Variants in FLT4 observed in about 807,000 individuals in gnomAD.
FLT4 encodes the protein vascular endothelial growth factor receptor 3.
A neutral mutation model predicts 163.2 loss-of-function variants in FLT4; 30 were observed. The ratio of observed to expected loss-of-function variants is 0.18; its 90% CI spans 0.14 to 0.25. The LOEUF is 0.25. Among genes scored for constraint, FLT4 ranks in the 10% least tolerant of loss-of-function variants. The pLI, the probability that FLT4 is intolerant of heterozygous loss-of-function variation, is 1.00. For synonymous variants in FLT4, 884 were observed against 789.5 expected (o/e 1.12, Z -2.01); for missense variants, 1,510 against 1,863.8 (o/e 0.81, Z 3.50).
rs1761573075 is a variant in FLT4, at chr5:180,602,618, CTGTT to C, written c.*570_*573del. ...GGTGGCCACCCCAGGGGCTAGTTGG[CTGTT>C]TGGTCAGGCCCAGAAGAGGACCCTG... On this transcript the variant is annotated 3_prime_UTR_variant, in exon 30 of 30. Coordinates refer to ENST00000261937, the MANE Select transcript of FLT4 (RefSeq NM_182925.5). 2 of 405,758 alleles carry C rather than the reference CTGTT, an allele frequency of 4.9e-6. No individual in the cohort carries two copies. Among genetic ancestry groups the C allele is most frequent in the Admixed American group, 4.1e-5 (1 of 24,460 alleles). The allele number at this position is 405,758 out of a possible 1,614,324, so 25.1% of individuals were successfully genotyped here.
At position 180,636,417 on chromosome 5, in the gene FLT4, G is replaced by A. The variant is rs1023302505; in HGVS notation, c.59-4639C>T. On this transcript the variant is annotated intron_variant, in intron 1 of 29. Transcript: ENST00000261937. The surrounding 1 kb of genome is among the most constrained non-coding windows in gnomAD (Gnocchi z 4.3). ...ATGCCTGAACTCCTCGCAGCCACCT[G>A]CCCTCCCTACAGCAGTCCCTCTGAG... 3.3e-5 allele frequency among the ~76,000 whole-genome samples: 5 copies of A among 151,974 alleles called. No individual in the cohort carries two copies. The highest frequency in any genetic ancestry group is 7.4e-5 in the Non-Finnish European group (5 of 67,980).
rs899772352 is a variant in FLT4 at position 180,613,130 on chromosome 5, G to A, written c.3332-20C>T. On this transcript the variant is annotated intron_variant, in intron 24 of 29. Transcript: ENST00000261937. ...AGGCCCCTGACAACAGGAAGGGGAG[G>A]TGGGTGGGGAGCAAGCCTCCTGCGG... is the stretch of plus-strand genomic sequence containing the variant. 43 of 1,585,542 alleles carry A rather than the reference G, an allele frequency of 2.7e-5. No individual in the cohort carries two copies. Among genetic ancestry groups the A allele is most frequent in the Non-Finnish European group, 3.2e-5 (37 of 1,155,908 alleles).
Position 180,621,768 on chromosome 5 carries a change from C to A in FLT4, c.1794G>T (p.Leu598=), listed in dbSNP as rs1763165946. The A allele has an allele frequency of 6.2e-7, 1 of 1,613,294 alleles. No individual in the cohort carries two copies. Among genetic ancestry groups the A allele is most frequent in the African/African-American group, 1.3e-5 (1 of 75,052 alleles). Residue 598 remains leucine (L), a synonymous_variant, in exon 13 of 30, where the codon CTG becomes CTT. Transcript: ENST00000261937. ...LRWYRLNLST[L]HDAHGNPLLL... ...GAAGCGGGTTCCCGTGCGCATCGTG[C>A]AGCGTGGACAGGTTGAGGCGGTACC... is the stretch of plus-strand genomic sequence containing the variant.
chr5:180,640,460 C>T lies in FLT4; in HGVS notation c.59-8682G>A, dbSNP rs376566444. Among the ~76,000 whole-genome samples the T allele has an allele frequency of 6.6e-5, 10 of 152,304 alleles. No homozygotes were observed. In the East Asian group the frequency reaches 1.5e-3, roughly 24 times the overall value. Reference sequence around the variant, plus strand: ...CTTCCTCCTAGCCCCTAGCATGAAGCCTCAGAGACCCCTGCAGGCAGGAAG... The same window carrying T: ...CTTCCTCCTAGCCCCTAGCATGAAGTCTCAGAGACCCCTGCAGGCAGGAAG... On this transcript the variant is annotated intron_variant, in intron 1 of 29. Coordinates refer to ENST00000261937, the MANE Select transcript of FLT4 (RefSeq NM_182925.5).
Position 180,631,773 on chromosome 5 carries a change from C to A in FLT4, c.64G>T (p.Val22Leu). 1 of 1,608,520 alleles carries A rather than the reference C, an allele frequency of 6.2e-7. No homozygotes were observed. The highest frequency in any genetic ancestry group is 8.5e-7 in the Non-Finnish European group (1 of 1,178,926). Residue 22 changes from valine (V) to leucine (L), a missense_variant, in exon 2 of 30, where the codon GTG becomes TTG. Physicochemically the swap from Val to Leu is conservative, Grantham distance 32 (BLOSUM62 1). Transcript: ENST00000261937. The stretch of plus-strand genomic sequence containing the variant: ...GGGGGGGTCATGGAGTAGCCACTCA[C>A]CAGGCCTGGGGTGGGAGACAGGGTC... ...WLCLGLLDGL[V>L]SGYSMTPPTL... is the part of the protein sequence containing the mutation.
At chr5:180,615,252 C>G (rs1271482118) in intron 23 of FLT4, among the ~76,000 whole-genome samples, 1 of 116,878 alleles carries the variant, frequency 8.6e-6, no homozygotes, top group Non-Finnish European at 2.0e-5. Context: ...CTGGTCAACT[C>G]CCATCTCCAC....
Position 180,629,794 on chromosome 5 carries a change from G to A in FLT4, c.718C>T (p.Leu240=), listed in dbSNP as rs1394178069. The A allele has an allele frequency of 6.2e-7, 1 of 1,612,460 alleles. No homozygotes were observed. Among genetic ancestry groups the A allele is most frequent in the Admixed American group, 1.7e-5 (1 of 59,948 alleles). The change falls in exon 6 of 30, where the codon CTG becomes TTG. Residue 240 remains leucine (L), a synonymous_variant. Coordinates refer to ENST00000261937, the MANE Select transcript of FLT4 (RefSeq NM_182925.5). Reference sequence around the variant, plus strand: ...AGCTTCTCCCCTACCAGCAGCTCCAGCGACTTCCTGGGCAACAGCTGGATG... The same window carrying A: ...AGCTTCTCCCCTACCAGCAGCTCCAACGACTTCCTGGGCAACAGCTGGATG... ...YDIQLLPRKS[L]ELLVGEKLVL...
chr5:180,604,763 TTC>T (rs928057316), intron 29 of FLT4, among the ~76,000 whole-genome samples: 3 of 152,268 alleles, frequency 2.0e-5, no homozygotes, highest in Non-Finnish European at 4.4e-5. Context: ...AAAATATTAG[TTC>T]TTTTACTGTT....
At chr5:180,621,944 A>G in intron 12 of FLT4, 40 bp from the exon 13 acceptor site, 1 of 1,610,314 alleles carries the variant, frequency 6.2e-7, no homozygotes, top group Non-Finnish European at 8.5e-7. Context: ...CTGCCCTGGG[A>G]GTTTGCTCCC....
In FLT4 at chr5:180,620,504, G is replaced by A; in HGVS notation, c.2406+105C>T. ...GGCAGGGAGGCTTCCCAGGAAACAA[G>A]GCTGCCAGGTGAACTAGGGCGGGCA... On this transcript the variant is annotated intron_variant, in intron 16 of 29. Coordinates refer to ENST00000261937, the MANE Select transcript of FLT4 (RefSeq NM_182925.5). This position sits in a 1 kb window ranked among gnomAD's most constrained non-coding sequence, Gnocchi z 4.4. 1 of 1,193,032 alleles carries A rather than the reference G, an allele frequency of 8.4e-7. No individual in the cohort carries two copies. Among genetic ancestry groups the A allele is most frequent in the Non-Finnish European group, 1.2e-6 (1 of 811,178 alleles). 73.9% of individuals were successfully genotyped at this position (1,193,032 alleles called of 1,614,324 possible). A position where few individuals can be genotyped will look rare whatever the true frequency, so the allele number is the denominator to read the frequency against.
chr5:180,607,768 T>C (rs549874364), intron 29 of FLT4, among the ~76,000 whole-genome samples: 71 of 152,290 alleles, frequency 4.7e-4, no homozygotes, highest in Non-Finnish European at 5.7e-4. Flanking sequence ...ACATGATTAA[T>C]TAGCTTTTAA....
At chr5:180,612,226 G>T (rs1037275996) in intron 26 of FLT4, among the ~76,000 whole-genome samples, 2 of 152,202 alleles carry the variant, frequency 1.3e-5, no homozygotes, top group Non-Finnish European at 2.9e-5. Context: ...TGCCTCACAG[G>T]CCGGGGGGGA....
In FLT4 at chr5:180,620,979, C is replaced by T. The variant is rs147242761; in HGVS notation, c.2196G>A (p.Lys732=). ...CCTCGCGCACGCGCTGGATGCTCAG[C>T]TTCTGGTTGGAGTCCGCCAAGTCGA... The part of the protein sequence containing the change: ...SGVDLADSNQ[K]LSIQRVREED... Residue 732 remains lysine, a synonymous_variant, in exon 15 of 30, where the codon AAG becomes AAA. Transcript: ENST00000261937. The surrounding 1 kb of genome is among the most constrained non-coding windows in gnomAD (Gnocchi z 4.4). 826 of 1,611,344 alleles carry T rather than the reference C, an allele frequency of 5.1e-4. 18 individuals carry two copies. In the East Asian group the frequency reaches 0.018, roughly 36 times the overall value.
At chr5:180,632,671 G>A (rs1764278049) in intron 1 of FLT4, among the ~76,000 whole-genome samples, 1 of 152,030 alleles carries the variant, frequency 6.6e-6, no homozygotes, top group East Asian at 1.9e-4. Flanking sequence ...TGTAACTGTA[G>A]GCCTGGGTGT....
chr5:180,628,839 TGG>T, intron 8 of FLT4, 41 bp downstream of exon 8: 2 of 1,385,856 alleles, frequency 1.4e-6, no homozygotes, highest in Non-Finnish European at 2.0e-6. Context: ...CCCCTGGACT[TGG>T]AAGGGTATCG....
intron 1 of FLT4, among the ~76,000 whole-genome samples, chr5:180,642,830 T>G (rs1267695581): frequency 6.6e-6 from 1 of 152,208 alleles, no homozygotes; most frequent in East Asian, 1.9e-4. Flanking sequence ...CATACACCGA[T>G]GGCAAATTCT....
At position 180,611,471 on chromosome 5, in the gene FLT4, C is replaced by G. The variant is rs775810969; in HGVS notation, c.3546G>C (p.Glu1182Asp). Residue 1182 changes from glutamate (E) to aspartate (D), a missense_variant, in exon 27 of 30, where the codon GAG (glutamate) becomes GAC (aspartate). Transcript: ENST00000261937. ...LLQGRGLQEE[E>D]EVCMAPRSSQ... ...AGCTGCGCGGGGCCATGCAGACCTC[C>G]TCTTCCTCCTGGCGGGAACAGGAGA... 16 of 1,613,674 alleles carry G rather than the reference C, an allele frequency of 9.9e-6. No homozygotes were observed. In the Admixed American group the frequency reaches 2.7e-4, roughly 27 times the overall value.
intron 1 of FLT4, among the ~76,000 whole-genome samples, chr5:180,646,606 C>T (rs1001613849): frequency 2.0e-5 from 3 of 152,208 alleles, no homozygotes; most frequent in Non-Finnish European, 2.9e-5. Context: ...TGGGCCTCAC[C>T]AGGGCCCCTG....
rs532365411 is a variant in FLT4 at position 180,625,521 on chromosome 5, G to T, written c.1421+348C>A. On this transcript the variant is annotated intron_variant, in intron 10 of 29. Coordinates refer to ENST00000261937, the MANE Select transcript of FLT4 (RefSeq NM_182925.5). ...CCCCCAGGTCCCCACCCCGCTGGAG[G>T]TGTCCTGCTGGGTGCTCAGAGACAT... Among the ~76,000 whole-genome samples the T allele has an allele frequency of 1.0e-3, 159 of 152,350 alleles. 1 individual carries two copies. Among genetic ancestry groups the T allele is most frequent in the Non-Finnish European group, 1.9e-3 (131 of 68,020 alleles).
Sources: allele counts gnomAD v4.1 joint callset (sites outside exome capture counted in the v4.1 genomes callset), GRCh38; gene constraint gnomAD v4.1.1; non-coding constraint Gnocchi (gnomAD v3.1); transcripts MANE v1.5; gene names NCBI Gene and HGNC (gene_info 2026-07-23, HGNC 2026-07-21).